The following PDZD2 variants were observed in gnomAD, a reference collection of about 807,000 sequenced individuals.
PDZD2 encodes the protein PDZ domain-containing protein 2.
A neutral mutation model predicts 220.7 loss-of-function variants in PDZD2; 90 were observed. The observed-to-expected ratio is 0.41, with a 90% CI of 0.34 to 0.49. PDZD2 has a LOEUF of 0.49. Ranked by LOEUF, PDZD2 falls within the 20% of genes least tolerant of loss-of-function variation. The probability of loss-of-function intolerance (pLI) is 0.28; values close to 1 mark genes in which losing one functional copy is unlikely to be tolerated. For synonymous variants in PDZD2, 1,375 were observed against 1,450.5 expected, an observed-to-expected ratio of 0.95 and a Z score of 1.18; for missense variants, 3,174 against 3,608.5, an observed-to-expected ratio of 0.88 and a Z score of 3.08.
chr5:32,091,163 G>A lies in PDZD2; in HGVS notation c.7715G>A (p.Ser2572Asn), dbSNP rs1743117000. Residue 2572 changes from serine (S) to asparagine (N), a missense_variant, in exon 20 of 25, where the codon AGC becomes AAC. Ser to Asn is a conservative substitution (Grantham distance 46). Coordinates refer to ENST00000438447, the MANE Select transcript of PDZD2 (RefSeq NM_178140.4). ...GCCCAGGATCTGCCTTTTAGAAGAA[G>A]CTGGTCAGTTAAGTAAGTATCTGCC... ...EAAQDLPFRR[S>N]WSVNLDQLLV... 1 of 1,564,972 alleles carries A rather than the reference G, an allele frequency of 6.4e-7. No homozygotes were observed. Among genetic ancestry groups the A allele is most frequent in the Admixed American group, 1.8e-5 (1 of 54,596 alleles).
At chr5:31,905,499 C>T (rs1279835347) in intron 2 of PDZD2, among the ~76,000 whole-genome samples, 2 of 152,212 alleles carry the variant, frequency 1.3e-5, no homozygotes, top group African/African-American at 4.8e-5. Context: ...TCTTGGCCTG[C>T]ATTTTTCCCC....
intron 2 of PDZD2, among the ~76,000 whole-genome samples, chr5:31,980,124 G>A (rs1750170142): frequency 6.6e-6 from 1 of 152,090 alleles, no homozygotes; most frequent in African/African-American, 2.4e-5. Flanking sequence ...TTAGTGCTGG[G>A]TTGGGCAACC....
At chr5:31,768,503 A>C (rs1409930732) in intron 1 of PDZD2, among the ~76,000 whole-genome samples, 1 of 152,102 alleles carries the variant, frequency 6.6e-6, no homozygotes, top group East Asian at 1.9e-4. Flanking sequence ...TTAGCTGGGC[A>C]TGGTGGCACG....
Position 32,069,567 on chromosome 5 carries a change from AG to A in PDZD2, c.2452del. The A allele has an allele frequency of 6.4e-7, 1 of 1,558,638 alleles. No individual in the cohort carries two copies. Among genetic ancestry groups the A allele is most frequent in the Non-Finnish European group, 8.9e-7 (1 of 1,129,522 alleles). ...TAATCTTTGCTTTCTGCTGAAAATC[AG>A]GTTTCCGAGCAGGAAATGGATGAAG... On this transcript the variant is annotated splice_acceptor_variant, in intron 14 of 24. Coordinates refer to ENST00000438447, the MANE Select transcript of PDZD2 (RefSeq NM_178140.4). LOFTEE classifies it high-confidence loss of function.
intron 2 of PDZD2, among the ~76,000 whole-genome samples, chr5:31,817,702 C>T (rs1247831802): frequency 1.3e-5 from 2 of 152,104 alleles, no homozygotes; most frequent in African/African-American, 4.8e-5. Context: ...CTCACTGTCT[C>T]ACCCAGGCTG....
intron 2 of PDZD2, among the ~76,000 whole-genome samples, chr5:31,942,858 G>A (rs1287399070): frequency 2.0e-5 from 3 of 152,182 alleles, no homozygotes; most frequent in Non-Finnish European, 4.4e-5. Context: ...TGATGTGAGG[G>A]GAAAATAGCC....
intron 2 of PDZD2, among the ~76,000 whole-genome samples, chr5:31,937,614 AGTC>A (rs1290429704): frequency 1.3e-5 from 2 of 152,162 alleles, no homozygotes; most frequent in Admixed American, 1.3e-4. Flanking sequence ...CATCATTGCT[AGTC>A]TCTCTTTCCG....
At chr5:32,002,747 A>C (rs1752285895) in intron 5 of PDZD2, among the ~76,000 whole-genome samples, 1 of 28,890 alleles carries the variant, frequency 3.5e-5, no homozygotes, top group African/African-American at 1.2e-4. Context: ...CCACACACCA[A>C]CACACACACC....
At position 31,764,044 on chromosome 5, in the gene PDZD2, G is replaced by A. The variant is rs75805313; in HGVS notation, c.-360-34845G>A. 8.4e-3 allele frequency among the ~76,000 whole-genome samples: 1,277 copies of A among 152,272 alleles called. 11 individuals carry two copies. The highest frequency in any genetic ancestry group is 0.011 in the Non-Finnish European group (760 of 68,022). On this transcript the variant is annotated intron_variant, in intron 1 of 24. Coordinates refer to ENST00000438447, the MANE Select transcript of PDZD2 (RefSeq NM_178140.4). ...CTGGAAGACAAGCTGCAGAACTGCA[G>A]GAGAGGGCACCTGCTGCCCGTCACG...
chr5:31,691,256 G>T (rs935203900), intron 1 of PDZD2, among the ~76,000 whole-genome samples: 7 of 151,644 alleles, frequency 4.6e-5, no homozygotes, highest in East Asian at 3.9e-4. Context: ...GGAGTTGTTC[G>T]TTCCTCCCGG....
intron 2 of PDZD2, among the ~76,000 whole-genome samples, chr5:31,887,440 C>T (rs1188341439): frequency 6.6e-6 from 1 of 152,156 alleles, no homozygotes; most frequent in Non-Finnish European, 1.5e-5. Flanking sequence ...GTGGTGTGCA[C>T]TTTCATCCAC....
At chr5:31,827,898 G>A (rs757319329) in intron 2 of PDZD2, among the ~76,000 whole-genome samples, 7 of 151,938 alleles carry the variant, frequency 4.6e-5, no homozygotes, top group South Asian at 2.1e-4. Flanking sequence ...TCCATACTCC[G>A]CTTCTCCAAG....
intron 2 of PDZD2, among the ~76,000 whole-genome samples, chr5:31,857,356 T>C (rs1758550638): frequency 1.3e-5 from 2 of 152,208 alleles, no homozygotes; most frequent in South Asian, 2.1e-4. Flanking sequence ...TGATTTCTCA[T>C]GTAGCATCCC....
At chr5:31,772,180 A>G (rs942016236) in intron 1 of PDZD2, among the ~76,000 whole-genome samples, 2 of 152,192 alleles carry the variant, frequency 1.3e-5, no homozygotes, top group Non-Finnish European at 2.9e-5. Context: ...AGTTTTAATC[A>G]GTAGTTCACA....
chr5:32,031,861 A>G (rs951340251), intron 6 of PDZD2, among the ~76,000 whole-genome samples: 2 of 152,034 alleles, frequency 1.3e-5, no homozygotes, highest in African/African-American at 4.8e-5. Flanking sequence ...GATTGTTCCT[A>G]TTTCACATAA....
intron 5 of PDZD2, among the ~76,000 whole-genome samples, chr5:32,004,540 G>A (rs761122227): frequency 3.3e-5 from 5 of 152,326 alleles, no homozygotes; most frequent in South Asian, 2.1e-4. Flanking sequence ...GCAGTGAGCC[G>A]TGGCCATGCC....
At chr5:31,994,615 AGCTG>A in intron 3 of PDZD2, among the ~76,000 whole-genome samples, 1 of 151,968 alleles carries the variant, frequency 6.6e-6, no homozygotes, top group Admixed American at 6.5e-5. Context: ...CCTCCTGAGT[AGCTG>A]GGATTACAGG....
chr5:31,751,859 G>T (rs891362778), intron 1 of PDZD2, among the ~76,000 whole-genome samples: 3 of 151,966 alleles, frequency 2.0e-5, no homozygotes, highest in Non-Finnish European at 2.9e-5. Flanking sequence ...CCTCTTTGAA[G>T]CTGGGCTGGG....
chr5:31,989,187 C>T (rs964102365), intron 3 of PDZD2, among the ~76,000 whole-genome samples: 1 of 152,138 alleles, frequency 6.6e-6, no homozygotes, highest in Non-Finnish European at 1.5e-5. Context: ...AATTTTTTAG[C>T]TCTCACCCTG....
Sources: gnomAD v4.1 joint callset for allele counts (sites outside exome capture counted in the v4.1 genomes callset) on GRCh38, gnomAD v4.1.1 for gene constraint, MANE v1.5 for transcripts, NCBI Gene and HGNC (gene_info 2026-07-23, HGNC 2026-07-21) for gene names.